Variants in PUM1 observed in about 807,000 individuals in gnomAD.
PUM1 encodes the protein pumilio homolog 1.
Under a neutral mutation model 131.8 loss-of-function variants are expected in PUM1, and 13 were observed. The observed-to-expected ratio is 0.10, with a 90% confidence interval of 0.06 to 0.16. The LOEUF (loss-of-function observed/expected upper bound fraction) is 0.16, where lower values mean the gene tolerates loss of function less well. Ranked by LOEUF, PUM1 falls within the 10% of genes least tolerant of loss-of-function variation. The pLI, the probability that PUM1 is intolerant of heterozygous loss-of-function variation, is 1.00. For missense variants in PUM1, 961 were observed against 1,512.4 expected (o/e 0.64, Z 6.05); for synonymous variants, 509 against 556.5 (o/e 0.91, Z 1.20).
At chr1:30,981,284 T>G in intron 8 of PUM1, 28 bp downstream of exon 8, 1 of 1,439,906 alleles carries the variant, frequency 6.9e-7, no homozygotes, top group Non-Finnish European at 9.5e-7. Flanking sequence ...ACACCTATCA[T>G]GAAAGAGCTA....
intron 2 of PUM1, among the ~76,000 whole-genome samples, chr1:31,035,330 T>C (rs569778075): frequency 1.3e-5 from 2 of 151,182 alleles, no homozygotes; most frequent in South Asian, 4.2e-4. Flanking sequence ...GAGGCGGAGG[T>C]TGCAGTGAGC....
chr1:30,942,275 AT>A, intron 18 of PUM1, 152 bp from the exon 19 acceptor site: 1 of 179,778 alleles, frequency 5.6e-6, no homozygotes, highest in Non-Finnish European at 1.0e-5. Context: ...ACTTAATGGC[AT>A]TTAAGTTCTC....
At chr1:31,044,976 GTTTT>G (rs1643917797) in intron 2 of PUM1, among the ~76,000 whole-genome samples, 1 of 152,000 alleles carries the variant, frequency 6.6e-6, no homozygotes, top group Non-Finnish European at 1.5e-5. Flanking sequence ...CGCCCAGCTA[GTTTT>G]TGTATTTTTA....
chr1:31,023,647 G>A (rs1381122497), intron 3 of PUM1, among the ~76,000 whole-genome samples: 3 of 152,084 alleles, frequency 2.0e-5, no homozygotes, highest in South Asian at 2.1e-4. Flanking sequence ...AGAACCCAAC[G>A]AAGCCAGGCG....
chr1:30,944,833 C>T (rs964801981), intron 18 of PUM1, among the ~76,000 whole-genome samples: 1 of 152,202 alleles, frequency 6.6e-6, no homozygotes, highest in Non-Finnish European at 1.5e-5. Context: ...CCAATGTGAG[C>T]AGACAACTGC....
rs781684190 is a variant in PUM1 at position 30,932,623 on chromosome 1, T to C, written c.*588A>G. The C allele has an allele frequency of 5.2e-4, 73 of 141,270 alleles. 1 individual carries two copies. Among genetic ancestry groups the C allele is most frequent in the Non-Finnish European group, 3.0e-4 (20 of 66,384 alleles). The allele number at this position is 141,270 out of a possible 1,614,324, so 8.8% of individuals were successfully genotyped here. ...TGTCACAAACTGAAGCTTTAGCAAC[T>C]CTGAAACCTTTTTCATTATATATAT... On this transcript the variant is annotated 3_prime_UTR_variant, in exon 22 of 22. Transcript: ENST00000426105.
chr1:30,960,469 T>C (rs1335995572), intron 14 of PUM1, among the ~76,000 whole-genome samples: 1 of 152,180 alleles, frequency 6.6e-6, no homozygotes, highest in African/African-American at 2.4e-5. Flanking sequence ...ATTCTTAAGA[T>C]GATATGATCT....
intron 14 of PUM1, among the ~76,000 whole-genome samples, chr1:30,964,087 G>A (rs2124436904): frequency 6.6e-6 from 1 of 151,932 alleles, no homozygotes; most frequent in Middle Eastern, 3.4e-3. Flanking sequence ...GAATCTAGAT[G>A]GTAATATTTT....
intron 2 of PUM1, among the ~76,000 whole-genome samples, chr1:31,033,440 C>T (rs954074632): frequency 7.2e-6 from 1 of 139,384 alleles, no homozygotes; most frequent in Non-Finnish European, 1.5e-5. Flanking sequence ...GGCCGGACTG[C>T]GGACTGCAGT....
At chr1:30,972,547 G>A (rs1202000422) in intron 10 of PUM1, among the ~76,000 whole-genome samples, 1 of 149,424 alleles carries the variant, frequency 6.7e-6, no homozygotes, top group African/African-American at 2.5e-5. Flanking sequence ...GCCGAGGGGG[G>A]TGGATCACTG....
At chr1:30,970,064 C>A (rs750312807) in intron 10 of PUM1, among the ~76,000 whole-genome samples, 1 of 152,164 alleles carries the variant, frequency 6.6e-6, no homozygotes, top group Non-Finnish European at 1.5e-5. Flanking sequence ...TCTACACACT[C>A]CAGCAAGCAA....
At chr1:31,055,597 C>T (rs1237727479) in intron 2 of PUM1, among the ~76,000 whole-genome samples, 1 of 152,156 alleles carries the variant, frequency 6.6e-6, no homozygotes, top group African/African-American at 2.4e-5. Context: ...ATGATGAATG[C>T]CAATTCCAAG....
intron 14 of PUM1, among the ~76,000 whole-genome samples, chr1:30,961,898 T>C (rs927590118): frequency 6.6e-6 from 1 of 152,238 alleles, no homozygotes; most frequent in Non-Finnish European, 1.5e-5. Context: ...TCATCACTGC[T>C]GATGGCTGGT....
intron 2 of PUM1, among the ~76,000 whole-genome samples, chr1:31,053,150 G>A (rs1406026916): frequency 6.6e-6 from 1 of 151,282 alleles, no homozygotes; most frequent in East Asian, 2.0e-4. Context: ...GGGATTACAG[G>A]CACGTGCCAC....
At chr1:30,971,716 T>G (rs935935084) in intron 10 of PUM1, among the ~76,000 whole-genome samples, 1 of 152,176 alleles carries the variant, frequency 6.6e-6, no homozygotes, top group South Asian at 2.1e-4. Context: ...GAAATTCTAT[T>G]TCATAAAACA....
At chr1:30,954,878 CAG>C (rs945433245) in intron 14 of PUM1, among the ~76,000 whole-genome samples, 1 of 151,946 alleles carries the variant, frequency 6.6e-6, no homozygotes, top group Admixed American at 6.5e-5. Flanking sequence ...GCCTGGACAA[CAG>C]AGAGAGACCC....
Position 31,038,249 on chromosome 1 carries a change from A to T in PUM1, c.364-9385T>A, listed in dbSNP as rs186785383. Among the ~76,000 whole-genome samples, 128 of 152,256 alleles carry T rather than the reference A, an allele frequency of 8.4e-4. 1 individual carries two copies. The highest frequency in any genetic ancestry group is 1.9e-3 in the Admixed American group (29 of 15,282). On this transcript the variant is annotated intron_variant, in intron 2 of 21. Transcript: ENST00000426105. The stretch of plus-strand genomic sequence containing the variant: ...GAAATATGTTCAGAGGAGAACTATC[A>T]GCTACCAGGCATGCCTACAGTGTTA...
intron 14 of PUM1, among the ~76,000 whole-genome samples, chr1:30,957,062 C>G (rs1385420800): frequency 2.1e-5 from 3 of 145,620 alleles, no homozygotes; most frequent in Non-Finnish European, 4.5e-5. Flanking sequence ...AGATGTCAGA[C>G]AAGTACATAC....
At chr1:31,054,471 T>A (rs943754950) in intron 2 of PUM1, among the ~76,000 whole-genome samples, 1 of 151,336 alleles carries the variant, frequency 6.6e-6, no homozygotes, top group Non-Finnish European at 1.5e-5. Flanking sequence ...ACTTCGCTAG[T>A]TCACTAGTGA....
Sources: allele counts gnomAD v4.1 joint callset (sites outside exome capture counted in the v4.1 genomes callset), GRCh38; gene constraint gnomAD v4.1.1; transcripts MANE v1.5; gene names NCBI Gene and HGNC (gene_info 2026-07-23, HGNC 2026-07-21).